TULP4: variants seen among roughly 807,000 people sequenced by gnomAD.
TULP4 encodes tubby-related protein 4.
Under a neutral mutation model 129.0 loss-of-function variants are expected in TULP4, and 16 were observed. The observed-to-expected ratio is 0.12, with a 90% CI of 0.08 to 0.19. The LOEUF is 0.19. Ranked by LOEUF, TULP4 falls within the 10% of genes least tolerant of loss-of-function variation. The pLI, the probability that TULP4 is intolerant of heterozygous loss-of-function variation, is 1.00. For synonymous variants in TULP4, 998 were observed against 854.0 expected (o/e 1.17, Z -2.94); for missense variants, 1,842 against 2,059.1 (o/e 0.89, Z 2.04).
At chr6:158,300,781 G>A (rs1832872) in intron 1 of TULP4, among the ~76,000 whole-genome samples, 105,517 of 152,156 alleles carry the variant, frequency 0.69, 36,874 homozygotes, top group East Asian at 0.89. Flanking sequence ...TAAATCATTA[G>A]GAGTTAGGTC....
intron 1 of TULP4, among the ~76,000 whole-genome samples, chr6:158,257,282 C>G (rs1778265303): frequency 6.6e-6 from 1 of 152,120 alleles, no homozygotes; most frequent in Admixed American, 6.5e-5. Flanking sequence ...CAGCTCTGTG[C>G]TTAGTTGCCT....
At chr6:158,262,029 C>T (rs1008055831) in intron 1 of TULP4, among the ~76,000 whole-genome samples, 24 of 152,308 alleles carry the variant, frequency 1.6e-4, no homozygotes, top group African/African-American at 4.6e-4. Context: ...AGTCCTTGAT[C>T]TGGGCATTTT....
At position 158,510,847 on chromosome 6, in the gene TULP4, C is replaced by A. The variant is rs1780723493; in HGVS notation, c.*4153C>A. Reference sequence around the variant, plus strand: ...GTGCTCTGCCATGTTACACGGTCTTCAAATTGAAAAGGTTTCTTGAAAAGG... The same window carrying A: ...GTGCTCTGCCATGTTACACGGTCTTAAAATTGAAAAGGTTTCTTGAAAAGG... On this transcript the variant is annotated 3_prime_UTR_variant, in exon 14 of 14. Transcript: ENST00000367097. The A allele has an allele frequency of 6.6e-6, 1 of 152,162 alleles. No individual in the cohort carries two copies. Among genetic ancestry groups the A allele is most frequent in the Non-Finnish European group, 1.5e-5 (1 of 68,038 alleles). The allele number at this position is 152,162 out of a possible 1,614,324, so 9.4% of individuals were successfully genotyped here.
chr6:158,244,848 A>G (rs964410596), intron 1 of TULP4, among the ~76,000 whole-genome samples: 2 of 151,752 alleles, frequency 1.3e-5, no homozygotes, highest in African/African-American at 2.4e-5. Context: ...TTTTATTTAA[A>G]TAATAATAAA....
intron 1 of TULP4, among the ~76,000 whole-genome samples, chr6:158,344,873 G>C (rs1369147357): frequency 6.6e-6 from 1 of 152,194 alleles, no homozygotes; most frequent in Non-Finnish European, 1.5e-5. Context: ...GGCCTCTTGA[G>C]CCAAACTGTT....
chr6:158,491,242 T>TAAA (rs1206528576), intron 9 of TULP4, among the ~76,000 whole-genome samples: 1 of 152,218 alleles, frequency 6.6e-6, no homozygotes, highest in African/African-American at 2.4e-5. Context: ...TAGTGGCATC[T>TAAA]CATTTCAGTT....
chr6:158,336,830 A>G (rs1052346667), intron 1 of TULP4, among the ~76,000 whole-genome samples: 3 of 152,156 alleles, frequency 2.0e-5, no homozygotes, highest in Admixed American at 2.0e-4. Flanking sequence ...ATTAGTCCCT[A>G]TGACCAATTC....
intron 1 of TULP4, among the ~76,000 whole-genome samples, chr6:158,241,728 G>T (rs1051135390): frequency 6.6e-6 from 1 of 152,084 alleles, no homozygotes; most frequent in Admixed American, 6.5e-5. Context: ...CCGAGTAGCC[G>T]GGACTACAGG....
chr6:158,357,447 C>T lies in TULP4; in HGVS notation c.252+43179C>T, dbSNP rs79623509. On this transcript the variant is annotated intron_variant, in intron 1 of 13. Coordinates refer to ENST00000367097, the MANE Select transcript of TULP4 (RefSeq NM_020245.5). ...TGGAGGACCACCCTGAGAAGATTCT[C>T]TTTCCCAGGAGTCAGTATTGGCTTG... Among the ~76,000 whole-genome samples the T allele has an allele frequency of 5.4e-3, 819 of 152,316 alleles. 13 individuals carry two copies. The highest frequency in any genetic ancestry group is 0.019 in the African/African-American group (778 of 41,556).
chr6:158,358,142 CTTCTCAAGATCGGT>C (rs1165323615), intron 1 of TULP4, among the ~76,000 whole-genome samples: 4 of 152,198 alleles, frequency 2.6e-5, no homozygotes, highest in African/African-American at 4.8e-5. Context: ...ACTTTTCATG[CTTCTCAAGATCGGT>C]TTCTCAGAAT....
chr6:158,232,511 G>A (rs963568273), intron 1 of TULP4, among the ~76,000 whole-genome samples: 34 of 151,242 alleles, frequency 2.2e-4, no homozygotes, highest in African/African-American at 7.5e-4. Context: ...CGTCTGACCC[G>A]GGCCCGGCGG....
In TULP4 at chr6:158,506,560, T is replaced by G; in HGVS notation, c.4516-18T>G. On this transcript the variant is annotated intron_variant, in intron 13 of 13. Transcript: ENST00000367097. ...CACCTTATTCTTTAATGTCTTTGCTTCCCCTGCCCTCCTCCAGGTGATGCA... is the reference window on the plus strand; with the variant it reads ...CACCTTATTCTTTAATGTCTTTGCTGCCCCTGCCCTCCTCCAGGTGATGCA... 1 of 1,534,278 alleles carries G rather than the reference T, an allele frequency of 6.5e-7. No individual in the cohort carries two copies.
intron 3 of TULP4, among the ~76,000 whole-genome samples, chr6:158,444,211 C>T (rs1357825715): frequency 1.0e-5 from 1 of 98,846 alleles, no homozygotes; most frequent in African/African-American, 4.0e-5. Context: ...CAGAGCAAGA[C>T]TCTGTCTCAA....
chr6:158,511,233 G>A lies in TULP4; in HGVS notation c.*4539G>A, dbSNP rs2128271220. 6.5e-6 allele frequency: 1 copy of A among 152,678 alleles called. No individual in the cohort carries two copies. Among genetic ancestry groups the A allele is most frequent in the South Asian group, 2.1e-4 (1 of 4,824 alleles). The allele number at this position is 152,678 out of a possible 1,614,324, so 9.5% of individuals were successfully genotyped here. A position where few individuals can be genotyped will look rare whatever the true frequency, so the allele number is the denominator to read the frequency against. ...TTATTGTAGATAAAAATTTTTTCGT[G>A]TTGTAGAAAAGCATGGGTTATGCGT... On this transcript the variant is annotated 3_prime_UTR_variant, in exon 14 of 14. Transcript: ENST00000367097.
In TULP4 at chr6:158,449,119, C is replaced by G; in HGVS notation, c.667C>G (p.Leu223Val). The G allele has an allele frequency of 1.9e-6, 3 of 1,614,112 alleles. No homozygotes were observed. The highest frequency in any genetic ancestry group is 2.5e-6 in the Non-Finnish European group (3 of 1,180,028). The change falls in exon 4 of 14, where the codon CTG becomes GTG. Residue 223 changes from leucine to valine, a missense_variant. Leu to Val is a conservative substitution (Grantham distance 32, BLOSUM62 1). Coordinates refer to ENST00000367097, the MANE Select transcript of TULP4 (RefSeq NM_020245.5). The part of the protein sequence containing the change: ...LGMSWNYPIF[L>V]VEDSSESDTD... ...CATGTCCTGGAACTACCCGATCTTC[C>G]TGGTGGAGGACAGCAGCGAGAGCGA...
In TULP4 at chr6:158,314,123, G is replaced by T. The variant is rs1300814225; in HGVS notation, c.107G>T (p.Cys36Phe). 1 of 1,614,218 alleles carries T rather than the reference G, an allele frequency of 6.2e-7. No homozygotes were observed. Among genetic ancestry groups the T allele is most frequent in the Non-Finnish European group, 8.5e-7 (1 of 1,180,044 alleles). The change falls in exon 1 of 14, where the codon TGC (cysteine) becomes TTC (phenylalanine). Residue 36 changes from cysteine (C) to phenylalanine (F), a missense_variant. This residue lies in a region of TULP4 where 151 missense variants were observed against 268.7 expected (regional missense o/e 0.56). Transcript: ENST00000367097. Reference sequence around the variant, plus strand: ...AAGAGTGAGAAGGAGAAGCCTGTGTGCAGGAGACGCTACTATGAGGAAGGC... The same window carrying T: ...AAGAGTGAGAAGGAGAAGCCTGTGTTCAGGAGACGCTACTATGAGGAAGGC... ...VPKSEKEKPV[C>F]RRRYYEEGWL...
intron 6 of TULP4, among the ~76,000 whole-genome samples, chr6:158,462,574 C>T (rs1779455840): frequency 6.6e-6 from 1 of 150,468 alleles, no homozygotes; most frequent in East Asian, 2.0e-4. Flanking sequence ...GGGGTTTCAC[C>T]ATGTTAGCCA....
chr6:158,419,337 A>AT (rs1218685251), intron 2 of TULP4, among the ~76,000 whole-genome samples: 7 of 152,166 alleles, frequency 4.6e-5, no homozygotes, highest in African/African-American at 9.7e-5. Flanking sequence ...AATACCATAG[A>AT]TTTTTTAAAA....
Position 158,254,019 on chromosome 6 carries a change from A to G in TULP4, n.68+21716A>G, listed in dbSNP as rs917928849. Among the ~76,000 whole-genome samples, 23 of 151,942 alleles carry G rather than the reference A, an allele frequency of 1.5e-4. 1 individual carries two copies. The highest frequency in any genetic ancestry group is 4.4e-5 in the Non-Finnish European group (3 of 67,994). ...GCCCCACTGTACTCCAGCCTGGGTG[A>G]TAGAGCAAGACTCTGTCTCAAAAAA... On this transcript the variant is annotated intron_variant and non_coding_transcript_variant, in intron 1 of 1. Coordinates refer to the TULP4 transcript ENST00000620026.
Sources: gnomAD v4.1 joint callset for allele counts (sites outside exome capture counted in the v4.1 genomes callset) on GRCh38, gnomAD v4.1.1 for gene constraint, gnomAD v4.1.1 regional missense constraint, MANE v1.5 for transcripts, NCBI Gene and HGNC (gene_info 2026-07-23, HGNC 2026-07-21) for gene names.